Variants in ME1 observed in about 807,000 individuals in gnomAD.
ME1 encodes the protein malic enzyme 1.
In ME1, 74 loss-of-function variants were observed where a neutral mutation model predicts 66.4. That is an observed-to-expected ratio of 1.11 (90% CI 0.92 to 1.35). The LOEUF (loss-of-function observed/expected upper bound fraction) is 1.35. ME1 is among the 40% of genes most tolerant of loss of function. The pLI is 0.00. For missense variants in ME1, 750 were observed against 694.1 expected (o/e 1.08, Z -0.90); for synonymous variants, 251 against 235.6 (o/e 1.07, Z -0.60).
intron 3 of ME1, among the ~76,000 whole-genome samples, chr6:83,387,344 G>A (rs1272270351): frequency 1.3e-5 from 2 of 152,074 alleles, no homozygotes; most frequent in Non-Finnish European, 2.9e-5. Flanking sequence ...GGTTAAAGGA[G>A]TATTAGCTTT....
At chr6:83,345,457 T>C (rs1371394872) in intron 5 of ME1, among the ~76,000 whole-genome samples, 1 of 152,228 alleles carries the variant, frequency 6.6e-6, no homozygotes, top group African/African-American at 2.4e-5. Context: ...TCAAAAGTTA[T>C]ATCTTCAATT....
chr6:83,428,011 CA>C (rs57471870), intron 1 of ME1, among the ~76,000 whole-genome samples: 208 of 122,236 alleles, frequency 1.7e-3, no homozygotes, highest in Non-Finnish European at 1.8e-3. Flanking sequence ...GGCTCTGTCT[CA>C]AAAAAAAAAA....
At chr6:83,215,754 T>G (rs960158653) in intron 13 of ME1, among the ~76,000 whole-genome samples, 1 of 152,150 alleles carries the variant, frequency 6.6e-6, no homozygotes, top group African/African-American at 2.4e-5. Flanking sequence ...CCTGCAAACA[T>G]CTTTATCTTA....
intron 1 of ME1, among the ~76,000 whole-genome samples, chr6:83,421,765 T>C (rs1165147805): frequency 6.6e-6 from 1 of 152,146 alleles, no homozygotes; most frequent in Non-Finnish European, 1.5e-5. Flanking sequence ...ACATCCAATA[T>C]TCTTTTCCAC....
chr6:83,270,523 T>G lies in ME1; in HGVS notation c.705-16785A>C, dbSNP rs185415274. The stretch of plus-strand genomic sequence containing the variant: ...AGAAACAGCTGAGAAACTGGGTTTC[T>G]CAGAACTGCACACTACTGCATGCAG... On this transcript the variant is annotated intron_variant, in intron 6 of 13. Transcript: ENST00000369705. Among the ~76,000 whole-genome samples the G allele has an allele frequency of 2.5e-3, 377 of 152,210 alleles. 5 individuals carry two copies. Among genetic ancestry groups the G allele is most frequent in the East Asian group, 1.4e-3 (7 of 5,170 alleles).
chr6:83,351,567 A>T (rs967062502), intron 4 of ME1, among the ~76,000 whole-genome samples: 1 of 152,178 alleles, frequency 6.6e-6, no homozygotes, highest in Non-Finnish European at 1.5e-5. Context: ...TATTATTATA[A>T]GAGTTAATCC....
intron 6 of ME1, among the ~76,000 whole-genome samples, chr6:83,265,038 C>G (rs929973657): frequency 2.6e-5 from 4 of 152,106 alleles, no homozygotes; most frequent in Non-Finnish European, 5.9e-5. Context: ...GTTGCAAACT[C>G]CATTACTGTC....
intron 1 of ME1, among the ~76,000 whole-genome samples, chr6:83,415,700 C>T (rs1218505823): frequency 6.6e-6 from 1 of 152,090 alleles, no homozygotes; most frequent in African/African-American, 2.4e-5. Context: ...CCACATATAC[C>T]TTAGGAAATC....
intron 11 of ME1, among the ~76,000 whole-genome samples, chr6:83,226,821 A>G (rs1390118666): frequency 1.3e-5 from 2 of 152,198 alleles, no homozygotes; most frequent in African/African-American, 4.8e-5. Flanking sequence ...ATATTAGTAC[A>G]AACATGGTAT....
rs140157932 is a variant in ME1, at chr6:83,281,806, CAAAAAAAAAAAAAA to C, written c.705-28082_705-28069del. 2.6e-3 allele frequency among the ~76,000 whole-genome samples: 35 copies of C among 13,282 alleles called. No individual in the cohort carries two copies. The South Asian group carries it at 0.08, about 30-fold the overall frequency. 8.7% of individuals were successfully genotyped at this position (13,282 alleles called of 152,430 possible). A position where few individuals can be genotyped will look rare whatever the true frequency, so the allele number is the denominator to read the frequency against. Reference sequence around the variant, plus strand: ...GGGTGACAGACTGAGACTCTGTCTCCAAAAAAAAAAAAAAAAAAAAAAAAAAAAAGAAAAGAAAA... The same window carrying C: ...GGGTGACAGACTGAGACTCTGTCTCCAAAAAAAAAAAAAAAGAAAAGAAAA... On this transcript the variant is annotated intron_variant, in intron 6 of 13. Transcript: ENST00000369705.
intron 1 of ME1, among the ~76,000 whole-genome samples, chr6:83,411,942 A>G (rs1770055957): frequency 6.6e-6 from 1 of 152,196 alleles, no homozygotes; most frequent in Non-Finnish European, 1.5e-5. Flanking sequence ...GGCAGCAAAC[A>G]GGGCAACTAT....
At position 83,227,584 on chromosome 6, in the gene ME1, C is replaced by A; in HGVS notation, c.1133-107G>T. On this transcript the variant is annotated intron_variant, in intron 10 of 13. Coordinates refer to ENST00000369705, the MANE Select transcript of ME1 (RefSeq NM_002395.6). ...TCTATCAGCTCATTTTCTAATAGAC[C>A]CTAAACAAAATGCTATATAAACTAT... 1 of 961,804 alleles carries A rather than the reference C, an allele frequency of 1.0e-6. No homozygotes were observed. Among genetic ancestry groups the A allele is most frequent in the Admixed American group, 2.7e-5 (1 of 36,760 alleles). 59.6% of individuals were successfully genotyped at this position (961,804 alleles called of 1,614,324 possible). A position where few individuals can be genotyped will look rare whatever the true frequency, so the allele number is the denominator to read the frequency against.
At chr6:83,406,971 TACACACACACACACAC>T (rs59788379) in intron 2 of ME1, among the ~76,000 whole-genome samples, 2 of 143,876 alleles carry the variant, frequency 1.4e-5, no homozygotes, top group African/African-American at 5.2e-5. Flanking sequence ...TTTTCATTCA[TACACACACACACACAC>T]ACACACACAC....
intron 5 of ME1, among the ~76,000 whole-genome samples, chr6:83,344,798 G>A (rs979497051): frequency 6.6e-6 from 1 of 151,696 alleles, no homozygotes; most frequent in Non-Finnish European, 1.5e-5. Flanking sequence ...CAGGAGAATC[G>A]CTTGAACCCG....
At chr6:83,292,043 G>C (rs905788210) in intron 6 of ME1, among the ~76,000 whole-genome samples, 1 of 151,924 alleles carries the variant, frequency 6.6e-6, no homozygotes, top group African/African-American at 2.4e-5. Flanking sequence ...AAGGTTTTTA[G>C]CTTCCTTGCG....
At chr6:83,388,465 A>G (rs1769557429) in intron 3 of ME1, among the ~76,000 whole-genome samples, 1 of 152,194 alleles carries the variant, frequency 6.6e-6, no homozygotes, top group South Asian at 2.1e-4. Context: ...TATTTGATCA[A>G]GAAACCTGAG....
At chr6:83,340,947 T>C (rs893613404) in intron 5 of ME1, among the ~76,000 whole-genome samples, 5 of 152,112 alleles carry the variant, frequency 3.3e-5, no homozygotes, top group African/African-American at 7.2e-5. Flanking sequence ...CTGGTGACAG[T>C]TGACAAGCAT....
rs555642712 is a variant in ME1 at position 83,279,475 on chromosome 6, C to T, written c.705-25737G>A. On this transcript the variant is annotated intron_variant, in intron 6 of 13. Transcript: ENST00000369705. ...AGAATCGAAAGGTAATGATAGAAGT[C>T]AAAGTAACAGTACCAGAAATAAAGA... Among the ~76,000 whole-genome samples the T allele has an allele frequency of 3.8e-4, 58 of 152,166 alleles. 1 individual carries two copies. Among genetic ancestry groups the T allele is most frequent in the South Asian group, 1.7e-3 (8 of 4,820 alleles).
intron 2 of ME1, among the ~76,000 whole-genome samples, chr6:83,406,948 A>G (rs74614503): frequency 1.3e-3 from 187 of 147,324 alleles, no homozygotes; most frequent in African/African-American, 4.6e-3. Context: ...CCCTCTATCC[A>G]TTTATATTTA....
Sources: allele counts gnomAD v4.1 joint callset (sites outside exome capture counted in the v4.1 genomes callset), GRCh38; gene constraint gnomAD v4.1.1; transcripts MANE v1.5; gene names NCBI Gene and HGNC (gene_info 2026-07-23, HGNC 2026-07-21).